The following ARSG variants were observed in gnomAD, a reference collection of about 807,000 sequenced individuals.
ARSG encodes the protein ASG.
ARSG carries 37 observed loss-of-function variants against 50.5 expected under a neutral mutation model. That is an observed-to-expected ratio of 0.73 (90% CI 0.56 to 0.96). The LOEUF is 0.96. Among genes scored for constraint, ARSG ranks in the 50% least tolerant of loss-of-function variants. The pLI, the probability that ARSG is intolerant of heterozygous loss-of-function variation, is 0.00. For missense variants in ARSG, 629 were observed against 675.3 expected (o/e 0.93, Z 0.76); for synonymous variants, 225 against 254.6 (o/e 0.88, Z 1.11).
At chr17:68,289,533 T>G (rs1555755117), upstream of ARSG, among the ~76,000 whole-genome samples, 1 of 152,208 alleles carries the variant, frequency 6.6e-6, no homozygotes, top group African/African-American at 2.4e-5. Context: ...GCACTGCGGA[T>G]TTCTCTTCTT....
rs117071838 is a variant in ARSG at position 68,383,710 on chromosome 17, T to C, written c.983-1354T>C. On this transcript the variant is annotated intron_variant, in intron 8 of 11. Coordinates refer to ENST00000621439, the MANE Select transcript of ARSG (RefSeq NM_001267727.2). ...TTATGCTTGCTGGAGTTCTGGATTCTTTGTTCCAAGTGCGTGAATAAATTG... is the reference window on the plus strand; with the variant it reads ...TTATGCTTGCTGGAGTTCTGGATTCCTTGTTCCAAGTGCGTGAATAAATTG... Among the ~76,000 whole-genome samples the C allele has an allele frequency of 4.6e-5, 7 of 152,336 alleles. No individual in the cohort carries two copies. The East Asian group carries it at 1.4e-3, about 29-fold the overall frequency.
rs752293584 is a variant in ARSG, at chr17:68,395,152, G to C, written c.1171G>C (p.Val391Leu). The change falls in exon 10 of 12, where the codon GTC (valine) becomes CTC (leucine). Residue 391 changes from valine to leucine, a missense_variant. By Grantham distance (32) the Val-to-Leu change is conservative. Coordinates refer to ENST00000621439, the MANE Select transcript of ARSG (RefSeq NM_001267727.2). ...AGGACGGCGCTTTGATGGTGTGGAC[G>C]TCTCCGAGGTGCTCTTTGGCCGGTC... ...PQGRRFDGVD[V>L]SEVLFGRSQP... is the part of the protein sequence containing the mutation. The C allele has an allele frequency of 6.2e-7, 1 of 1,614,110 alleles. No homozygotes were observed. The highest frequency in any genetic ancestry group is 1.3e-5 in the African/African-American group (1 of 75,048).
intron 1 of ARSG, among the ~76,000 whole-genome samples, chr17:68,261,684 G>T (rs2075072985): frequency 6.6e-6 from 1 of 152,156 alleles, no homozygotes; most frequent in African/African-American, 2.4e-5. Flanking sequence ...TAAATGGATA[G>T]AAACAAGTAC....
chr17:68,308,767 G>A (rs891424755), intron 2 of ARSG, among the ~76,000 whole-genome samples: 1 of 152,210 alleles, frequency 6.6e-6, no homozygotes, highest in Non-Finnish European at 1.5e-5. Flanking sequence ...GATACAGAGT[G>A]CCGATTGGTG....
chr17:68,365,251 G>A (rs2079490744), intron 6 of ARSG, among the ~76,000 whole-genome samples: 1 of 152,236 alleles, frequency 6.6e-6, no homozygotes, highest in Admixed American at 6.5e-5. Context: ...GGCGGAGGTT[G>A]TAGTGAGCCA....
At chr17:68,278,713 G>A (rs896960083) in intron 1 of ARSG, among the ~76,000 whole-genome samples, 7 of 148,830 alleles carry the variant, frequency 4.7e-5, no homozygotes, top group African/African-American at 9.9e-5. Flanking sequence ...TCGGCCTCCC[G>A]GGTTCAAGTG....
chr17:68,433,593 CAT>C, the ARSG span: 1 of 1,604,594 alleles, frequency 6.2e-7, no homozygotes, highest in Non-Finnish European at 8.5e-7. Flanking sequence ...CACAGCAACA[CAT>C]GGGTCAGTGA....
At chr17:68,392,688 CAG>C (rs913696470) in intron 9 of ARSG, among the ~76,000 whole-genome samples, 2 of 152,070 alleles carry the variant, frequency 1.3e-5, no homozygotes, top group African/African-American at 4.8e-5. Context: ...TTAGTAGAGA[CAG>C]GGTTTCGCCA....
chr17:68,444,373 T>C, the ARSG span: 289,100 of 836,334 alleles, frequency 0.35, 53,326 homozygotes, highest in Middle Eastern at 0.43. Flanking sequence ...GAGATAAACC[T>C]CACTAAGACT....
At chr17:68,347,952 G>T (rs1346553859) in intron 4 of ARSG, among the ~76,000 whole-genome samples, 2 of 152,178 alleles carry the variant, frequency 1.3e-5, no homozygotes, top group African/African-American at 4.8e-5. Context: ...CGGCTGAATT[G>T]TTCTGTCCTA....
the ARSG span, among the ~76,000 whole-genome samples, chr17:68,433,777 T>G: frequency 3.1e-5 from 2 of 63,656 alleles, no homozygotes; most frequent in African/African-American, 4.9e-5. Context: ...TTTTTTTTTT[T>G]TTTTTTTTTT....
intron 2 of ARSG, among the ~76,000 whole-genome samples, chr17:68,308,987 C>T (rs1027362412): frequency 7.2e-5 from 11 of 152,326 alleles, no homozygotes; most frequent in Non-Finnish European, 1.0e-4. Flanking sequence ...AGGCTCGGGC[C>T]GCACAGGAGC....
chr17:68,380,336 G>A (rs1009916636), intron 8 of ARSG, among the ~76,000 whole-genome samples: 3 of 151,866 alleles, frequency 2.0e-5, no homozygotes, highest in Admixed American at 2.0e-4. Flanking sequence ...CAACCTCCTG[G>A]GCTCAAGCGA....
At chr17:68,375,610 G>T (rs2080105759) in intron 8 of ARSG, among the ~76,000 whole-genome samples, 1 of 152,174 alleles carries the variant, frequency 6.6e-6, no homozygotes, top group Admixed American at 6.5e-5. Context: ...CACACTTCCA[G>T]GGCTCAGTAG....
At chr17:68,449,489 T>A in the ARSG span, among the ~76,000 whole-genome samples, 12 of 152,328 alleles carry the variant, frequency 7.9e-5, no homozygotes, top group African/African-American at 2.9e-4. Context: ...TCCCCAAATC[T>A]CATGTCGAAT....
At chr17:68,262,104 C>T (rs1483436028) in intron 1 of ARSG, among the ~76,000 whole-genome samples, 2 of 147,820 alleles carry the variant, frequency 1.4e-5, no homozygotes, top group Admixed American at 1.4e-4. Context: ...TGCAGTGAGG[C>T]GAGATTGTGC....
rs534866001 is a variant in ARSG, at chr17:68,418,666, T to C, written c.1304-1523T>C. On this transcript the variant is annotated intron_variant, in intron 11 of 11. Coordinates refer to ENST00000621439, the MANE Select transcript of ARSG (RefSeq NM_001267727.2). ...AGTTGCATGTTGGCATCTGCCCTCA[T>C]CATATAGTAAAGGATGTGATAAGAA... is the stretch of plus-strand genomic sequence containing the variant. Among the ~76,000 whole-genome samples the C allele has an allele frequency of 3.3e-5, 5 of 152,282 alleles. No homozygotes were observed. The Middle Eastern group carries it at 0.01, about 311-fold the overall frequency.
downstream of ARSG, chr17:68,427,388 G>C (rs1268485341): frequency 1.5e-6 from 1 of 667,788 alleles, no homozygotes; most frequent in African/African-American, 1.8e-5. Flanking sequence ...GCAGGGTCTT[G>C]CTCTATTGCC....
intron 3 of ARSG, chr17:68,346,844 G>T (rs12601520): frequency 0.015 from 21,466 of 1,387,072 alleles, 1,202 homozygotes; most frequent in Admixed American, 0.14. Flanking sequence ...CCTCTTTGAG[G>T]GGCAGAGGCT....
Sources: gnomAD v4.1 joint callset for allele counts (sites outside exome capture counted in the v4.1 genomes callset) on GRCh38, gnomAD v4.1.1 for gene constraint, MANE v1.5 for transcripts, NCBI Gene and HGNC (gene_info 2026-07-23, HGNC 2026-07-21) for gene names.